Variants in LRRTM4 observed in about 807,000 individuals in gnomAD.
LRRTM4 encodes leucine-rich repeat transmembrane neuronal protein 4.
A neutral mutation model predicts 47.6 loss-of-function variants in LRRTM4; 25 were observed. The ratio of observed to expected loss-of-function variants is 0.53; its 90% CI spans 0.38 to 0.73. The LOEUF (loss-of-function observed/expected upper bound fraction) is 0.73. Among genes scored for constraint, LRRTM4 ranks in the 30% least tolerant of loss-of-function variants. LRRTM4 has a pLI of 0.00. For synonymous variants in LRRTM4, 311 were observed against 269.5 expected (o/e 1.15, Z -1.51); for missense variants, 638 against 713.4 (o/e 0.89, Z 1.20).
At chr2:77,018,354 G>A (rs116689412) in intron 3 of LRRTM4, among the ~76,000 whole-genome samples, 1,826 of 147,682 alleles carry the variant, frequency 0.012, 39 homozygotes, top group African/African-American at 0.044. Flanking sequence ...ATACCAGCAG[G>A]ACTCCTAAGG....
At chr2:76,915,047 G>A (rs1183889007) in intron 3 of LRRTM4, among the ~76,000 whole-genome samples, 1 of 152,174 alleles carries the variant, frequency 6.6e-6, no homozygotes, top group Non-Finnish European at 1.5e-5. Context: ...TCAAGCATCA[G>A]AAAATTTTAG....
intron 3 of LRRTM4, among the ~76,000 whole-genome samples, chr2:77,062,722 A>G (rs558382749): frequency 1.3e-5 from 2 of 152,122 alleles, no homozygotes; most frequent in African/African-American, 2.4e-5. Flanking sequence ...TTAATTTTCA[A>G]TGTATCTTAT....
At chr2:76,960,871 C>T (rs915477883) in intron 3 of LRRTM4, among the ~76,000 whole-genome samples, 1 of 151,378 alleles carries the variant, frequency 6.6e-6, no homozygotes, top group Non-Finnish European at 1.5e-5. Flanking sequence ...ATTTTTGGCA[C>T]ATTTTAAAAA....
intron 3 of LRRTM4, among the ~76,000 whole-genome samples, chr2:76,891,833 G>A (rs986241940): frequency 8.6e-5 from 13 of 151,246 alleles, no homozygotes; most frequent in Non-Finnish European, 1.3e-4. Flanking sequence ...AACTCAATTC[G>A]GATGCAAAAA....
intron 3 of LRRTM4, among the ~76,000 whole-genome samples, chr2:77,238,235 A>G (rs1023084300): frequency 4.9e-4 from 74 of 152,280 alleles, no homozygotes; most frequent in African/African-American, 1.8e-3. Flanking sequence ...TATGTATCCT[A>G]TAATATCATG....
intron 3 of LRRTM4, among the ~76,000 whole-genome samples, chr2:77,477,940 AAAGAAAGAAAGAAAGAAAGAAAGAAAG>A (rs1677495714): frequency 6.7e-6 from 1 of 149,070 alleles, no homozygotes; most frequent in African/African-American, 2.5e-5. Context: ...AGAAAGAAAG[AAAGAAAGAAAGAAAGAAAGAAAGAAAG>A]AAAAAGAAAA....
intron 3 of LRRTM4, among the ~76,000 whole-genome samples, chr2:77,287,461 G>C (rs143517664): frequency 7.4e-4 from 111 of 150,120 alleles, no homozygotes; most frequent in African/African-American, 2.5e-3. Context: ...CACAAGTACA[G>C]TAGTCCCCTT....
At chr2:76,779,353 C>G (rs1387743111) in intron 3 of LRRTM4, among the ~76,000 whole-genome samples, 1 of 150,938 alleles carries the variant, frequency 6.6e-6, no homozygotes, top group Non-Finnish European at 1.5e-5. Flanking sequence ...CTAATGTTGA[C>G]AGTGGGGTGT....
chr2:77,211,072 G>A lies in LRRTM4; in HGVS notation c.1551+307246C>T, dbSNP rs189948026. Among the ~76,000 whole-genome samples the A allele has an allele frequency of 1.3e-4, 20 of 151,822 alleles. No homozygotes were observed. The East Asian group carries it at 2.6e-3, about 19-fold the overall frequency. ...GCCCATCCAGGAAAACAGAACCCAG[G>A]TAATTACATAAAATAATTCAATATG... On this transcript the variant is annotated intron_variant, in intron 3 of 3. Transcript: ENST00000409884.
chr2:77,519,515 G>A lies in LRRTM4; in HGVS notation c.354C>T (p.Ser118=). 1 of 1,613,346 alleles carries A rather than the reference G, an allele frequency of 6.2e-7. No homozygotes were observed. Among genetic ancestry groups the A allele is most frequent in the African/African-American group, 1.3e-5 (1 of 74,978 alleles). ...TATTGTGCAGATAAGTAATTTTGTT[G>A]GAGCTTAGAATTAATTCTTTCAGTC... ...IRRLKELILS[S]NKITYLHNKT... Residue 118 remains serine, a synonymous_variant, in exon 3 of 4, where the codon TCC becomes TCT. Coordinates refer to ENST00000409884, the MANE Select transcript of LRRTM4 (RefSeq NM_001134745.3). This position sits in a 1 kb window ranked among gnomAD's most constrained non-coding sequence, Gnocchi z 4.6.
intron 3 of LRRTM4, among the ~76,000 whole-genome samples, chr2:76,819,548 C>G (rs759661806): frequency 6.6e-6 from 1 of 151,792 alleles, no homozygotes; most frequent in Non-Finnish European, 1.5e-5. Flanking sequence ...AATATATTGA[C>G]AGATTTCTCA....
At chr2:77,087,292 C>G (rs189773755) in intron 3 of LRRTM4, among the ~76,000 whole-genome samples, 2 of 152,198 alleles carry the variant, frequency 1.3e-5, no homozygotes, top group Admixed American at 6.5e-5. Flanking sequence ...TTGACAAATA[C>G]AAAACTACAA....
In LRRTM4 at chr2:76,955,358, T is replaced by G. The variant is rs575179501; in HGVS notation, c.1552-206442A>C. On this transcript the variant is annotated intron_variant, in intron 3 of 3. Transcript: ENST00000409884. ...CGTTGGGAGAAAAAAAGTGTAGTGT[T>G]TTTGTATGTGATTCAAGTTAAGTTG... Among the ~76,000 whole-genome samples, 3 of 151,978 alleles carry G rather than the reference T, an allele frequency of 2.0e-5. No homozygotes were observed. In the East Asian group the frequency reaches 5.9e-4, roughly 30 times the overall value.
At chr2:77,115,451 G>A (rs780772443) in intron 3 of LRRTM4, among the ~76,000 whole-genome samples, 1 of 152,174 alleles carries the variant, frequency 6.6e-6, no homozygotes, top group Non-Finnish European at 1.5e-5. Flanking sequence ...GAAGATAACA[G>A]GATTAAGAGA....
At chr2:77,064,410 G>T (rs936897800) in intron 3 of LRRTM4, among the ~76,000 whole-genome samples, 2 of 152,120 alleles carry the variant, frequency 1.3e-5, no homozygotes, top group African/African-American at 4.8e-5. Context: ...CTAAGAAATG[G>T]TATCTTAATA....
chr2:76,827,081 G>A (rs1450347315), intron 3 of LRRTM4, among the ~76,000 whole-genome samples: 3 of 151,834 alleles, frequency 2.0e-5, no homozygotes, highest in African/African-American at 2.4e-5. Context: ...TAGTTCTCAT[G>A]GTAAATCAAT....
intron 3 of LRRTM4, among the ~76,000 whole-genome samples, chr2:76,761,268 C>T (rs1472031695): frequency 6.6e-6 from 1 of 152,204 alleles, no homozygotes; most frequent in Non-Finnish European, 1.5e-5. Context: ...TTTTTTGAGC[C>T]TCCAACTAAA....
At chr2:77,023,000 C>T (rs1678328237) in intron 3 of LRRTM4, among the ~76,000 whole-genome samples, 2 of 152,362 alleles carry the variant, frequency 1.3e-5, no homozygotes, top group South Asian at 4.1e-4. Context: ...GCATGAGAGC[C>T]CTGCTCCTGC....
At chr2:77,359,546 G>A (rs1476156051) in intron 3 of LRRTM4, among the ~76,000 whole-genome samples, 2 of 152,074 alleles carry the variant, frequency 1.3e-5, no homozygotes, top group African/African-American at 4.8e-5. Context: ...GCTCTTTACT[G>A]CATAGTACAC....
Sources: allele counts gnomAD v4.1 joint callset (sites outside exome capture counted in the v4.1 genomes callset), GRCh38; gene constraint gnomAD v4.1.1; non-coding constraint Gnocchi (gnomAD v3.1); transcripts MANE v1.5; gene names NCBI Gene and HGNC (gene_info 2026-07-23, HGNC 2026-07-21).